The following PDIA3 variants were observed in gnomAD, a reference collection of about 807,000 sequenced individuals.
PDIA3 encodes the protein protein disulfide isomerase family A member 3.
Under a neutral mutation model 56.9 loss-of-function variants are expected in PDIA3, and 16 were observed. The ratio of observed to expected loss-of-function variants is 0.28; its 90% CI spans 0.19 to 0.43. PDIA3 has a LOEUF of 0.43. Among genes scored for constraint, PDIA3 ranks in the 20% least tolerant of loss-of-function variants. The probability of loss-of-function intolerance (pLI) is 1.00; values close to 1 mark genes in which losing one functional copy is unlikely to be tolerated. For missense variants in PDIA3, 485 were observed against 621.3 expected (o/e 0.78, Z 2.33); for synonymous variants, 192 against 216.5 (o/e 0.89, Z 0.99).
intron 12 of PDIA3, among the ~76,000 whole-genome samples, 173 bp downstream of exon 12, chr15:43,770,753 C>G (rs1216667867): frequency 6.6e-6 from 1 of 152,160 alleles, no homozygotes; most frequent in Non-Finnish European, 1.5e-5. Context: ...ACCGTTCAAG[C>G]GATTCTCCTG....
intron 1 of PDIA3, among the ~76,000 whole-genome samples, chr15:43,750,139 G>A (rs1362926220): frequency 6.7e-6 from 1 of 148,778 alleles, no homozygotes; most frequent in Non-Finnish European, 1.5e-5. Flanking sequence ...CGCGATCCCG[G>A]CTCTGCAACC....
At chr15:43,754,864 A>G (rs755325571) in intron 2 of PDIA3, among the ~76,000 whole-genome samples, 6 of 152,016 alleles carry the variant, frequency 3.9e-5, no homozygotes, top group Non-Finnish European at 7.4e-5. Flanking sequence ...CTGAGGTGGA[A>G]GGATTGCTTA....
At chr15:43,749,919 C>T (rs919165378) in intron 1 of PDIA3, among the ~76,000 whole-genome samples, 1 of 151,710 alleles carries the variant, frequency 6.6e-6, no homozygotes, top group Non-Finnish European at 1.5e-5. Context: ...TGCACTCCAG[C>T]CTAAATGACA....
At chr15:43,768,807 A>G (rs1034625667) in intron 9 of PDIA3, among the ~76,000 whole-genome samples, 2 of 152,062 alleles carry the variant, frequency 1.3e-5, no homozygotes, top group African/African-American at 4.8e-5. Flanking sequence ...GCACATCACA[A>G]GGTCAAGAGT....
At chr15:43,762,859 T>C (rs2086825638) in intron 4 of PDIA3, among the ~76,000 whole-genome samples, 1 of 152,106 alleles carries the variant, frequency 6.6e-6, no homozygotes, top group African/African-American at 2.4e-5. Flanking sequence ...CACTGACAAA[T>C]TTTCTCCCTT....
At chr15:43,759,146 CG>C (rs944775110) in intron 3 of PDIA3, among the ~76,000 whole-genome samples, 1 of 151,914 alleles carries the variant, frequency 6.6e-6, no homozygotes, top group African/African-American at 2.4e-5. Flanking sequence ...AAAAATTAGC[CG>C]GGTGCAGTGG....
intron 3 of PDIA3, among the ~76,000 whole-genome samples, chr15:43,758,196 C>T (rs2086792165): frequency 6.6e-6 from 1 of 151,982 alleles, no homozygotes; most frequent in Non-Finnish European, 1.5e-5. Context: ...AAGATCATGC[C>T]ATTGTACTCC....
intron 1 of PDIA3, 200 bp downstream of exon 1, chr15:43,746,906 C>G: frequency 1.7e-6 from 1 of 599,906 alleles, no homozygotes. Flanking sequence ...CCAAGGAAAA[C>G]CCGAAGGCTG....
chr15:43,771,407 C>T lies in PDIA3; in HGVS notation c.*189C>T. On this transcript the variant is annotated 3_prime_UTR_variant, in exon 13 of 13. Transcript: ENST00000300289. Reference sequence around the variant, plus strand: ...TGCACTGTTTATGGAAATACCAGGACCAGTTTATGTTTGTGGTTTTGGGAA... The same window carrying T: ...TGCACTGTTTATGGAAATACCAGGATCAGTTTATGTTTGTGGTTTTGGGAA... 1 of 412,036 alleles carries T rather than the reference C, an allele frequency of 2.4e-6. No individual in the cohort carries two copies. The highest frequency in any genetic ancestry group is 9.6e-5 in the South Asian group (1 of 10,426). 25.5% of individuals were successfully genotyped at this position (412,036 alleles called of 1,614,324 possible). A position where few individuals can be genotyped will look rare whatever the true frequency, so the allele number is the denominator to read the frequency against.
At chr15:43,749,085 TG>T (rs1267110756) in intron 1 of PDIA3, among the ~76,000 whole-genome samples, 7 of 149,396 alleles carry the variant, frequency 4.7e-5, no homozygotes, top group African/African-American at 1.8e-4. Context: ...TTTTTGTTTT[TG>T]TTTTGTTTTG....
In PDIA3 at chr15:43,769,541, T is replaced by C; in HGVS notation, c.1161T>C (p.Asp387=). Residue 387 remains aspartate, a synonymous_variant, in exon 10 of 13, where the codon GAT becomes GAC. Transcript: ENST00000300289. ...AGGTAGTGGTAGCAGAGAATTTTGA[T>C]GAAATAGTGAATAATGAAAATAAAG... ...PVKVVVAENF[D]EIVNNENKDV... is the part of the protein sequence containing the mutation. The C allele has an allele frequency of 1.2e-6, 2 of 1,613,136 alleles. No individual in the cohort carries two copies. The highest frequency in any genetic ancestry group is 1.7e-6 in the Non-Finnish European group (2 of 1,179,052).
chr15:43,749,727 T>C (rs2086731280), intron 1 of PDIA3, among the ~76,000 whole-genome samples: 2 of 151,972 alleles, frequency 1.3e-5, no homozygotes, highest in Non-Finnish European at 2.9e-5. Context: ...CAGGAGGCAG[T>C]GGCGAGGTAA....
chr15:43,770,811 G>A (rs565878656), intron 12 of PDIA3, among the ~76,000 whole-genome samples: 1 of 151,946 alleles, frequency 6.6e-6, no homozygotes, highest in African/African-American at 2.4e-5. Flanking sequence ...CCACCACCCC[G>A]GCTAATTTTG....
At position 43,746,558 on chromosome 15, in the gene PDIA3, G is replaced by C. The variant is rs201549098; in HGVS notation, c.19G>C (p.Ala7Pro). 6.2e-7 allele frequency: 1 copy of C among 1,609,616 alleles called. No individual in the cohort carries two copies. The change falls in exon 1 of 13, where the codon GCG becomes CCG. Residue 7 changes from alanine to proline, a missense_variant. Ala to Pro is a conservative substitution (Grantham distance 27). Coordinates refer to ENST00000300289, the MANE Select transcript of PDIA3 (RefSeq NM_005313.5). ...CGCCGCCATGCGCCTCCGCCGCCTA[G>C]CGCTGTTCCCGGGTGTGGCGCTGCT... MRLRRLALFPGVALLLA... is the reference protein window; with the variant it reads MRLRRLPLFPGVALLLA...
chr15:43,768,778 C>A (rs535658706), intron 9 of PDIA3, among the ~76,000 whole-genome samples, 181 bp downstream of exon 9: 75 of 151,862 alleles, frequency 4.9e-4, no homozygotes, highest in African/African-American at 1.8e-3. Flanking sequence ...AATCCCAGCA[C>A]TTTGGGAGGC....
chr15:43,771,207 G>A lies in PDIA3; in HGVS notation c.1507G>A (p.Glu503Lys). The change falls in exon 13 of 13, where the codon GAG becomes AAG. Residue 503 changes from glutamate (E) to lysine (K), a missense_variant. Coordinates refer to ENST00000300289, the MANE Select transcript of PDIA3 (RefSeq NM_005313.5). ...EKPKKKKKAQEDL is the reference protein window; with the variant it reads ...EKPKKKKKAQKDL ...ACCCAAGAAGAAGAAGAAGGCACAG[G>A]AGGATCTCTAAAGCAGTAGCCAAAC... 1 of 1,606,178 alleles carries A rather than the reference G, an allele frequency of 6.2e-7. No homozygotes were observed. The highest frequency in any genetic ancestry group is 8.5e-7 in the Non-Finnish European group (1 of 1,174,682).
chr15:43,747,051 G>T (rs1207323253), intron 1 of PDIA3: 2 of 273,184 alleles, frequency 7.3e-6, no homozygotes, highest in African/African-American at 4.5e-5. Flanking sequence ...TGCTCCTCCA[G>T]TCTACAGACT....
intron 3 of PDIA3, among the ~76,000 whole-genome samples, chr15:43,758,779 C>G (rs1596021295): frequency 6.6e-6 from 1 of 151,822 alleles, no homozygotes; most frequent in Admixed American, 6.6e-5. Context: ...AGTTCTAGAC[C>G]AGCCTGGCCA....
chr15:43,772,892 T>C lies in PDIA3; in HGVS notation c.*1674T>C, dbSNP rs946895570. 1 of 381,018 alleles carries C rather than the reference T, an allele frequency of 2.6e-6. No individual in the cohort carries two copies. The highest frequency in any genetic ancestry group is 2.1e-5 in the African/African-American group (1 of 48,098). 23.6% of individuals were successfully genotyped at this position (381,018 alleles called of 1,614,324 possible). A position where few individuals can be genotyped will look rare whatever the true frequency, so the allele number is the denominator to read the frequency against. ...TAAAAAAGCCAAGCCTCTGTCACTTTTCCTAGACTCCTAGGCACAGCTATG... is the reference window on the plus strand; with the variant it reads ...TAAAAAAGCCAAGCCTCTGTCACTTCTCCTAGACTCCTAGGCACAGCTATG... On this transcript the variant is annotated 3_prime_UTR_variant, in exon 13 of 13. Transcript: ENST00000300289.
Sources: allele counts gnomAD v4.1 joint callset (sites outside exome capture counted in the v4.1 genomes callset), GRCh38; gene constraint gnomAD v4.1.1; transcripts MANE v1.5; gene names NCBI Gene and HGNC (gene_info 2026-07-23, HGNC 2026-07-21).